The following TDRD6 variants were observed in gnomAD, a reference collection of about 807,000 sequenced individuals.
The protein encoded by TDRD6 is tudor domain-containing protein 6.
Under a neutral mutation model 157.5 loss-of-function variants are expected in TDRD6, and 186 were observed. The observed-to-expected ratio is 1.18, with a 90% confidence interval of 1.05 to 1.33. The LOEUF is 1.33. Ranked by LOEUF, TDRD6 falls within the 40% of genes most tolerant of loss-of-function variation. The probability of loss-of-function intolerance (pLI) is 0.00; values close to 1 mark genes in which losing one functional copy is unlikely to be tolerated. For synonymous variants in TDRD6, 1,075 were observed against 945.2 expected (o/e 1.14, Z -2.52); for missense variants, 3,066 against 2,508.0 (o/e 1.22, Z -4.75).
At position 46,702,411 on chromosome 6, in the gene TDRD6, A is replaced by T. The variant is rs990497167; in HGVS notation, c.*524A>T. 2 of 152,188 alleles carry T rather than the reference A, an allele frequency of 1.3e-5. No homozygotes were observed. Among genetic ancestry groups the T allele is most frequent in the Non-Finnish European group, 2.9e-5 (2 of 68,024 alleles). The allele number at this position is 152,188 out of a possible 1,614,324, so 9.4% of individuals were successfully genotyped here. A position where few individuals can be genotyped will look rare whatever the true frequency, so the allele number is the denominator to read the frequency against. ...AGATTTGAATAAAGTTTATCCTTAA[A>T]TAAAGTTTATCCTTAATATGATGGT... is the stretch of plus-strand genomic sequence containing the variant. On this transcript the variant is annotated 3_prime_UTR_variant, in exon 4 of 4. Coordinates refer to ENST00000316081, the MANE Select transcript of TDRD6 (RefSeq NM_001010870.3).
In TDRD6 at chr6:46,688,957, C is replaced by G; in HGVS notation, c.829C>G (p.His277Asp). 6.2e-7 allele frequency: 1 copy of G among 1,612,964 alleles called. No homozygotes were observed. Among genetic ancestry groups the G allele is most frequent in the Non-Finnish European group, 8.5e-7 (1 of 1,179,372 alleles). ...CQLRSVSQEI[H>D]RLSESMAQVY... Reference sequence around the variant, plus strand: ...GCTCCGCAGCGTCTCGCAGGAGATCCACCGCCTCTCCGAGAGCATGGCCCA... The same window carrying G: ...GCTCCGCAGCGTCTCGCAGGAGATCGACCGCCTCTCCGAGAGCATGGCCCA... Residue 277 changes from histidine (H) to aspartate (D), a missense_variant, in exon 1 of 4, where the codon CAC becomes GAC. Physicochemically the swap from His to Asp is moderately conservative, Grantham distance 81. Coordinates refer to ENST00000316081, the MANE Select transcript of TDRD6 (RefSeq NM_001010870.3).
At position 46,703,276 on chromosome 6, in the gene TDRD6, T is replaced by A. The variant is rs1348176881; in HGVS notation, c.*1389T>A. The A allele has an allele frequency of 2.0e-5, 3 of 152,028 alleles. No individual in the cohort carries two copies. The highest frequency in any genetic ancestry group is 4.4e-5 in the Non-Finnish European group (3 of 67,950). 9.4% of individuals were successfully genotyped at this position (152,028 alleles called of 1,614,324 possible). Reference sequence around the variant, plus strand: ...TAGAATTATGAACCTTAAAAACCCATTATAATTTCCGTAAGTAGAAGGGAG... The same window carrying A: ...TAGAATTATGAACCTTAAAAACCCAATATAATTTCCGTAAGTAGAAGGGAG... On this transcript the variant is annotated 3_prime_UTR_variant, in exon 4 of 4. Coordinates refer to ENST00000316081, the MANE Select transcript of TDRD6 (RefSeq NM_001010870.3).
At position 46,690,784 on chromosome 6, in the gene TDRD6, A is replaced by G. The variant is rs199694276; in HGVS notation, c.2656A>G (p.Asn886Asp). 24 of 1,614,132 alleles carry G rather than the reference A, an allele frequency of 1.5e-5. No homozygotes were observed. Among genetic ancestry groups the G allele is most frequent in the African/African-American group, 6.7e-5 (5 of 75,070 alleles). ...KAQAFRCSLY[N>D]LIQPVGQNPF... ...ACAGGCTTTTAGGTGCAGTCTTTATAATTTAATTCAACCAGTTGGCCAGAA... is the reference window on the plus strand; with the variant it reads ...ACAGGCTTTTAGGTGCAGTCTTTATGATTTAATTCAACCAGTTGGCCAGAA... The change falls in exon 1 of 4, where the codon AAT becomes GAT. Residue 886 changes from asparagine to aspartate, a missense_variant. Coordinates refer to ENST00000316081, the MANE Select transcript of TDRD6 (RefSeq NM_001010870.3).
chr6:46,689,251 C>G lies in TDRD6; in HGVS notation c.1123C>G (p.Pro375Ala). The G allele has an allele frequency of 6.2e-7, 1 of 1,614,030 alleles. No homozygotes were observed. The highest frequency in any genetic ancestry group is 8.5e-7 in the Non-Finnish European group (1 of 1,180,010). Residue 375 changes from proline to alanine, a missense_variant, in exon 1 of 4, where the codon CCT becomes GCT. By Grantham distance (27) the Pro-to-Ala change is conservative. Transcript: ENST00000316081. ...TTTTCGAATGCCGGTGGTGACCTACCCTTGTGCTTTGTATGGACTCTGGGA... is the reference window on the plus strand; with the variant it reads ...TTTTCGAATGCCGGTGGTGACCTACGCTTGTGCTTTGTATGGACTCTGGGA... Reference protein sequence around the residue: ...EYFRMPVVTYPCALYGLWDGG... With the variant: ...EYFRMPVVTYACALYGLWDGG...
chr6:46,693,726 A>G lies in TDRD6; in HGVS notation c.5598A>G (p.Lys1866=). 1.9e-6 allele frequency: 3 copies of G among 1,614,174 alleles called. No homozygotes were observed. Among genetic ancestry groups the G allele is most frequent in the Non-Finnish European group, 2.5e-6 (3 of 1,180,028 alleles). Residue 1866 remains lysine, a synonymous_variant, in exon 1 of 4, where the codon AAA becomes AAG. Coordinates refer to ENST00000316081, the MANE Select transcript of TDRD6 (RefSeq NM_001010870.3). The part of the protein sequence containing the change: ...LQNSLVVDEE[K]GELSPVPPNV... ...ATTCTCTGGTGGTGGATGAAGAAAA[A>G]GGGGAGCTAAGCCCGGTGCCACCGA...
chr6:46,696,083 A>C (rs1224926554), intron 2 of TDRD6, 138 bp downstream of exon 2: 2 of 894,474 alleles, frequency 2.2e-6, no homozygotes, highest in African/African-American at 3.4e-5. Flanking sequence ...GATGTAATGC[A>C]CATATATTTT....
At position 46,702,046 on chromosome 6, in the gene TDRD6, C is replaced by T; in HGVS notation, c.*159C>T. On this transcript the variant is annotated 3_prime_UTR_variant, in exon 4 of 4. Transcript: ENST00000316081. The stretch of plus-strand genomic sequence containing the variant: ...TATAGGTGGAAAACAAATTAGGTCT[C>T]AGGTTGATGGTGGGGTGTGTTTATA... The T allele has an allele frequency of 1.5e-6, 1 of 688,786 alleles. No individual in the cohort carries two copies. Among genetic ancestry groups the T allele is most frequent in the Middle Eastern group, 2.5e-4 (1 of 4,024 alleles). 42.7% of individuals were successfully genotyped at this position (688,786 alleles called of 1,614,324 possible).
chr6:46,696,400 A>T (rs907734565), intron 2 of TDRD6, among the ~76,000 whole-genome samples: 1 of 148,514 alleles, frequency 6.7e-6, no homozygotes, highest in Non-Finnish European at 1.5e-5. Flanking sequence ...GAGCCTGTTG[A>T]TCGTGTTTCT....
At chr6:46,697,961 A>G in intron 2 of TDRD6, 37 bp from the exon 3 acceptor site, 2 of 1,263,060 alleles carry the variant, frequency 1.6e-6, no homozygotes, top group East Asian at 2.4e-5. Context: ...TATTTTTTTG[A>G]ATTGGACACT....
chr6:46,690,021 C>T lies in TDRD6; in HGVS notation c.1893C>T (p.Ile631=), dbSNP rs887379639. The T allele has an allele frequency of 1.2e-6, 2 of 1,613,908 alleles. No homozygotes were observed. The highest frequency in any genetic ancestry group is 1.7e-5 in the Admixed American group (1 of 60,004). Residue 631 remains isoleucine, a synonymous_variant, in exon 1 of 4, where the codon ATC becomes ATT. Coordinates refer to ENST00000316081, the MANE Select transcript of TDRD6 (RefSeq NM_001010870.3). The stretch of plus-strand genomic sequence containing the variant: ...CTGTGCTCCACAAAGAATTAGTCAT[C>T]CATATTCTTGATAAACAGGATCATC... ...KKTVLHKELV[I]HILDKQDHQY...
Position 46,702,024 on chromosome 6 carries a change from A to T in TDRD6, c.*137A>T, listed in dbSNP as rs1019421551. On this transcript the variant is annotated 3_prime_UTR_variant, in exon 4 of 4. Transcript: ENST00000316081. The stretch of plus-strand genomic sequence containing the variant: ...TTGTCATTTTCAAAAACTTCTATAT[A>T]GGTGGAAAACAAATTAGGTCTCAGG... 1 of 950,500 alleles carries T rather than the reference A, an allele frequency of 1.1e-6. No homozygotes were observed. Among genetic ancestry groups the T allele is most frequent in the African/African-American group, 1.7e-5 (1 of 60,426 alleles). 58.9% of individuals were successfully genotyped at this position (950,500 alleles called of 1,614,324 possible). A position where few individuals can be genotyped will look rare whatever the true frequency, so the allele number is the denominator to read the frequency against.
Position 46,689,089 on chromosome 6 carries a change from G to A in TDRD6, c.961G>A (p.Gly321Ser), listed in dbSNP as rs947644133. The A allele has an allele frequency of 9.3e-6, 15 of 1,614,090 alleles. No homozygotes were observed. Among genetic ancestry groups the A allele is most frequent in the Non-Finnish European group, 1.3e-5 (15 of 1,180,042 alleles). Residue 321 changes from glycine (G) to serine (S), a missense_variant, in exon 1 of 4, where the codon GGC (glycine) becomes AGC (serine). Gly to Ser is a moderately conservative substitution (Grantham distance 56, BLOSUM62 0). Coordinates refer to ENST00000316081, the MANE Select transcript of TDRD6 (RefSeq NM_001010870.3). ...DKPGSPCASC[G>S]LDGHWYRALL... ...GCCGGGCTCTCCGTGTGCATCCTGT[G>A]GCCTGGATGGACATTGGTACAGAGC...
Position 46,690,771 on chromosome 6 carries a change from G to T in TDRD6, c.2643G>T (p.Arg881Ser), listed in dbSNP as rs1764288751. Residue 881 changes from arginine (R) to serine (S), a missense_variant, in exon 1 of 4, where the codon AGG (arginine) becomes AGT (serine). Coordinates refer to ENST00000316081, the MANE Select transcript of TDRD6 (RefSeq NM_001010870.3). Reference protein sequence around the residue: ...EFLKVKAQAFRCSLYNLIQPV... With the variant: ...EFLKVKAQAFSCSLYNLIQPV... ...TGAAGGTTAAGGCACAGGCTTTTAG[G>T]TGCAGTCTTTATAATTTAATTCAAC... The T allele has an allele frequency of 3.7e-6, 6 of 1,614,120 alleles. No homozygotes were observed. The highest frequency in any genetic ancestry group is 5.1e-6 in the Non-Finnish European group (6 of 1,180,008).
In TDRD6 at chr6:46,690,534, G is replaced by A. The variant is rs1764276783; in HGVS notation, c.2406G>A (p.Met802Ile). 6.2e-7 allele frequency: 1 copy of A among 1,614,162 alleles called. No individual in the cohort carries two copies. Among genetic ancestry groups the A allele is most frequent in the East Asian group, 2.2e-5 (1 of 44,874 alleles). Residue 802 changes from methionine to isoleucine, a missense_variant, in exon 1 of 4, where the codon ATG (methionine) becomes ATA (isoleucine). By Grantham distance (10) the Met-to-Ile change is conservative. Coordinates refer to ENST00000316081, the MANE Select transcript of TDRD6 (RefSeq NM_001010870.3). Reference sequence around the variant, plus strand: ...ACATACAAGGACTTAAAACTCTAATGTCTGATATTCAGTACTATTGCAAAA... The same window carrying A: ...ACATACAAGGACTTAAAACTCTAATATCTGATATTCAGTACTATTGCAAAA... The part of the protein sequence containing the change: ...TRNIQGLKTL[M>I]SDIQYYCKNT...
chr6:46,692,203 A>G lies in TDRD6; in HGVS notation c.4075A>G (p.Ile1359Val). The change falls in exon 1 of 4, where the codon ATA becomes GTA. Residue 1359 changes from isoleucine (I) to valine (V), a missense_variant. Physicochemically the swap from Ile to Val is conservative, Grantham distance 29. Coordinates refer to ENST00000316081, the MANE Select transcript of TDRD6 (RefSeq NM_001010870.3). The stretch of plus-strand genomic sequence containing the variant: ...TCCACCTTTGCAAAGAGGAGATATG[A>G]TATGTGCTGTTTTCCCAGAAGATAA... The part of the protein sequence containing the change: ...VGPPLQRGDM[I>V]CAVFPEDNLW... 6.2e-7 allele frequency: 1 copy of G among 1,614,164 alleles called. No homozygotes were observed. Among genetic ancestry groups the G allele is most frequent in the South Asian group, 1.1e-5 (1 of 91,076 alleles).
At position 46,690,409 on chromosome 6, in the gene TDRD6, GGCTCCTCTAGTAAA is replaced by G. The variant is rs1490960850; in HGVS notation, c.2283_2296del (p.Ser762ArgfsTer16). The G allele has an allele frequency of 6.2e-7, 1 of 1,613,836 alleles. No homozygotes were observed. Among genetic ancestry groups the G allele is most frequent in the Non-Finnish European group, 8.5e-7 (1 of 1,180,030 alleles). Reference sequence around the variant, plus strand: ...GCAGAATTGCTTGGAAATTAAGCCAGGCTCCTCTAGTAAAGGAGAGCTGGAAGTTGGAAGTACAG... The same window carrying G: ...GCAGAATTGCTTGGAAATTAAGCCAGGGAGAGCTGGAAGTTGGAAGTACAG... On this transcript the variant is annotated frameshift_variant, in exon 1 of 4. Coordinates refer to ENST00000316081, the MANE Select transcript of TDRD6 (RefSeq NM_001010870.3). LOFTEE classifies it high-confidence loss of function.
chr6:46,701,304 TATGA>T (rs1764619016), intron 3 of TDRD6, among the ~76,000 whole-genome samples: 1 of 152,156 alleles, frequency 6.6e-6, no homozygotes, highest in Non-Finnish European at 1.5e-5. Flanking sequence ...AAAGTTAAAT[TATGA>T]ATGTGATAAA....
In TDRD6 at chr6:46,693,112, G is replaced by C; in HGVS notation, c.4984G>C (p.Val1662Leu). Reference protein sequence around the residue: ...DYFYEIITEDVLEITILEIRR... With the variant: ...DYFYEIITEDLLEITILEIRR... ...TTTCTATGAAATAATAACAGAAGAT[G>C]TGTTGGAAATAACAATACTAGAAAT... is the stretch of plus-strand genomic sequence containing the variant. The change falls in exon 1 of 4, where the codon GTG (valine) becomes CTG (leucine). Residue 1662 changes from valine (V) to leucine (L), a missense_variant. Transcript: ENST00000316081. 2 of 1,613,486 alleles carry C rather than the reference G, an allele frequency of 1.2e-6. No homozygotes were observed. The highest frequency in any genetic ancestry group is 1.7e-6 in the Non-Finnish European group (2 of 1,179,826).
In TDRD6 at chr6:46,692,100, A is replaced by G. The variant is rs1019398421; in HGVS notation, c.3972A>G (p.Leu1324=). The change falls in exon 1 of 4, where the codon CTA becomes CTG. Residue 1324 remains leucine, a synonymous_variant. Transcript: ENST00000316081. ...ACCTTTCAGACTTTTATGTTCAACTAATAGAAGATGAAGCTGAAATTAGTC... is the reference window on the plus strand; with the variant it reads ...ACCTTTCAGACTTTTATGTTCAACTGATAGAAGATGAAGCTGAAATTAGTC... ...INDLSDFYVQ[L]IEDEAEISHL... is the part of the protein sequence containing the mutation. The G allele has an allele frequency of 2.5e-6, 4 of 1,613,344 alleles. No individual in the cohort carries two copies. Among genetic ancestry groups the G allele is most frequent in the African/African-American group, 1.3e-5 (1 of 74,992 alleles).
Sources: allele counts gnomAD v4.1 joint callset (sites outside exome capture counted in the v4.1 genomes callset), GRCh38; gene constraint gnomAD v4.1.1; transcripts MANE v1.5; gene names NCBI Gene and HGNC (gene_info 2026-07-23, HGNC 2026-07-21).